Variants in SLC6A6 observed in about 807,000 individuals in gnomAD.
SLC6A6 encodes sodium- and chloride-dependent taurine transporter.
Under a neutral mutation model 68.8 loss-of-function variants are expected in SLC6A6, and 16 were observed. That is an observed-to-expected ratio of 0.23 (90% CI 0.16 to 0.35). The LOEUF (loss-of-function observed/expected upper bound fraction) is 0.35, where lower values mean the gene tolerates loss of function less well. Among genes scored for constraint, SLC6A6 ranks in the 10% least tolerant of loss-of-function variants. The probability of loss-of-function intolerance (pLI) is 1.00; values close to 1 mark genes in which losing one functional copy is unlikely to be tolerated. For missense variants in SLC6A6, 474 were observed against 802.8 expected (o/e 0.59, Z 4.95); for synonymous variants, 312 against 315.4 (o/e 0.99, Z 0.12).
At chr3:14,455,277 CAAGTCAG>C in intron 5 of SLC6A6, among the ~76,000 whole-genome samples, 1 of 152,332 alleles carries the variant, frequency 6.6e-6, no homozygotes, top group South Asian at 2.1e-4. Flanking sequence ...CTGCCCCGAA[CAAGTCAG>C]TGTGGCAGCC....
chr3:14,403,073 GGA>G (rs1219293172), intron 1 of SLC6A6, among the ~76,000 whole-genome samples: 8 of 138,720 alleles, frequency 5.8e-5, no homozygotes, highest in African/African-American at 1.9e-4. Flanking sequence ...GCGGGCGGCA[GGA>G]GAGTGTGTGT....
rs1236529179 is a variant in SLC6A6 at position 14,477,246 on chromosome 3, T to C, written c.1251T>C (p.Leu417=). Residue 417 remains leucine, a synonymous_variant, in exon 11 of 15, where the codon CTT becomes CTC. Transcript: ENST00000622186. This position sits in a 1 kb window ranked among gnomAD's most constrained non-coding sequence, Gnocchi z 4.2. The part of the protein sequence containing the change: ...VEGQITSLVD[L]YPSFLRKGYR... ...GACAGATCACATCCTTGGTTGATCT[T>C]TACCCATCCTTCCTAAGGAAGGGTT... 1 of 1,613,606 alleles carries C rather than the reference T, an allele frequency of 6.2e-7. No individual in the cohort carries two copies. The highest frequency in any genetic ancestry group is 1.1e-5 in the South Asian group (1 of 91,074).
intron 1 of SLC6A6, among the ~76,000 whole-genome samples, chr3:14,409,702 C>T (rs1207993478): frequency 6.6e-6 from 1 of 152,210 alleles, no homozygotes; most frequent in Non-Finnish European, 1.5e-5. Flanking sequence ...ATGGTTTATG[C>T]CAAGGCAGGC....
At chr3:14,439,737 G>A (rs1053519480) in intron 2 of SLC6A6, among the ~76,000 whole-genome samples, 4 of 152,216 alleles carry the variant, frequency 2.6e-5, no homozygotes, top group East Asian at 1.9e-4. Context: ...TACTCACTGC[G>A]CAGCGGGGTG....
intron 2 of SLC6A6, among the ~76,000 whole-genome samples, chr3:14,441,813 G>T (rs1166258242): frequency 6.6e-6 from 1 of 152,254 alleles, no homozygotes; most frequent in Non-Finnish European, 1.5e-5. Flanking sequence ...GTCACCAGCT[G>T]CCTGTGGATG....
chr3:14,453,828 G>A (rs529437882), intron 5 of SLC6A6, among the ~76,000 whole-genome samples: 2 of 152,284 alleles, frequency 1.3e-5, no homozygotes, highest in South Asian at 2.1e-4. Context: ...GGAAAGGAGC[G>A]AGGGAGTTTT....
At chr3:14,446,201 G>A (rs1700116998) in intron 4 of SLC6A6, among the ~76,000 whole-genome samples, 1 of 152,220 alleles carries the variant, frequency 6.6e-6, no homozygotes, top group Admixed American at 6.5e-5. Flanking sequence ...TAAAGAAAAT[G>A]TGGTGCATAT....
At position 14,489,240 on chromosome 3, in the gene SLC6A6, C is replaced by G. The variant is rs1701266002; in HGVS notation, c.*4233C>G. Reference sequence around the variant, plus strand: ...TTTGCAGGGGTTTTTTTCTCTTTTGCTTTTTAGATAAATATGTATATCAAT... The same window carrying G: ...TTTGCAGGGGTTTTTTTCTCTTTTGGTTTTTAGATAAATATGTATATCAAT... On this transcript the variant is annotated 3_prime_UTR_variant, in exon 15 of 15. Coordinates refer to ENST00000622186, the MANE Select transcript of SLC6A6 (RefSeq NM_003043.6). 1 of 152,298 alleles carries G rather than the reference C, an allele frequency of 6.6e-6. No individual in the cohort carries two copies. The highest frequency in any genetic ancestry group is 1.5e-5 in the Non-Finnish European group (1 of 67,986). 9.4% of individuals were successfully genotyped at this position (152,298 alleles called of 1,614,324 possible).
chr3:14,407,056 G>T (rs1249026581), intron 1 of SLC6A6, among the ~76,000 whole-genome samples: 16 of 149,384 alleles, frequency 1.1e-4, no homozygotes, highest in Admixed American at 4.7e-4. Flanking sequence ...TTTTCTTGTG[G>T]TTTTTTTTTT....
chr3:14,476,933 G>A (rs1700891559), intron 10 of SLC6A6, among the ~76,000 whole-genome samples: 1 of 152,262 alleles, frequency 6.6e-6, no homozygotes, highest in African/African-American at 2.4e-5. Flanking sequence ...CAGCCTGAGA[G>A]AAGATGCAGA....
At position 14,485,045 on chromosome 3, in the gene SLC6A6, G is replaced by C. The variant is rs1322823970; in HGVS notation, c.*38G>C. The stretch of plus-strand genomic sequence containing the variant: ...CGACGGGGCCGGCGGCTTTCCTGCT[G>C]TTTACTAACATTAGATTCTCATAGG... On this transcript the variant is annotated 3_prime_UTR_variant, in exon 15 of 15. Coordinates refer to ENST00000622186, the MANE Select transcript of SLC6A6 (RefSeq NM_003043.6). The C allele has an allele frequency of 1.3e-6, 2 of 1,559,954 alleles. No individual in the cohort carries two copies. The highest frequency in any genetic ancestry group is 1.8e-6 in the Non-Finnish European group (2 of 1,142,464).
chr3:14,487,592 G>A lies in SLC6A6; in HGVS notation c.*2585G>A, dbSNP rs966816302. 1 of 152,244 alleles carries A rather than the reference G, an allele frequency of 6.6e-6. No individual in the cohort carries two copies. The highest frequency in any genetic ancestry group is 1.5e-5 in the Non-Finnish European group (1 of 68,080). The allele number at this position is 152,244 out of a possible 1,614,324, so 9.4% of individuals were successfully genotyped here. On this transcript the variant is annotated 3_prime_UTR_variant, in exon 15 of 15. Coordinates refer to ENST00000622186, the MANE Select transcript of SLC6A6 (RefSeq NM_003043.6). ...AGCCAGATCTGGAAAGGAAGCGAGGGGGTTGTTTAAATCAATTTTTTAAGA... is the reference window on the plus strand; with the variant it reads ...AGCCAGATCTGGAAAGGAAGCGAGGAGGTTGTTTAAATCAATTTTTTAAGA...
At chr3:14,451,176 A>T (rs143790996) in intron 5 of SLC6A6, among the ~76,000 whole-genome samples, 15 of 152,328 alleles carry the variant, frequency 9.8e-5, no homozygotes, top group African/African-American at 3.6e-4. Context: ...TTCCCATGCT[A>T]TGATCTCACC....
chr3:14,457,000 G>A (rs1700383646), intron 5 of SLC6A6, among the ~76,000 whole-genome samples: 1 of 152,216 alleles, frequency 6.6e-6, no homozygotes, highest in Admixed American at 6.5e-5. Context: ...GGGACCATGG[G>A]TGCCACTTCT....
intron 2 of SLC6A6, among the ~76,000 whole-genome samples, chr3:14,430,605 C>A (rs569190681): frequency 6.6e-6 from 1 of 152,368 alleles, no homozygotes; most frequent in Admixed American, 6.5e-5. Context: ...GCAGTAGCCG[C>A]TGTTAGGCAC....
intron 6 of SLC6A6, among the ~76,000 whole-genome samples, chr3:14,462,866 T>C (rs1035369629): frequency 6.6e-6 from 1 of 152,116 alleles, no homozygotes; most frequent in East Asian, 1.9e-4. Flanking sequence ...CATGCCTAGA[T>C]GTGTGGGTGG....
chr3:14,483,967 T>G (rs1038102610), intron 14 of SLC6A6, among the ~76,000 whole-genome samples: 2 of 152,204 alleles, frequency 1.3e-5, no homozygotes, highest in African/African-American at 4.8e-5. Flanking sequence ...AAACTGGGTT[T>G]TTAAATGAAA....
At chr3:14,466,455 G>C (rs1301019526) in intron 6 of SLC6A6, 61 bp from the exon 7 acceptor site, 1 of 1,547,932 alleles carries the variant, frequency 6.5e-7, no homozygotes, top group Non-Finnish European at 8.8e-7. Context: ...CTGAGAGGAT[G>C]CTCAGACTTA....
chr3:14,445,356 GC>G (rs1331651938), intron 3 of SLC6A6, among the ~76,000 whole-genome samples: 1 of 151,790 alleles, frequency 6.6e-6, no homozygotes, highest in Non-Finnish European at 1.5e-5. Flanking sequence ...AGGAGGCGGA[GC>G]TTGCAGTGAG....
Sources: allele counts gnomAD v4.1 joint callset (sites outside exome capture counted in the v4.1 genomes callset), GRCh38; gene constraint gnomAD v4.1.1; non-coding constraint Gnocchi (gnomAD v3.1); transcripts MANE v1.5; gene names NCBI Gene and HGNC (gene_info 2026-07-23, HGNC 2026-07-21).